Variants in TRPM3 observed in about 807,000 individuals in gnomAD.
The protein encoded by TRPM3 is transient receptor potential cation channel subfamily M member 3, also known as long transient receptor potential channel 3.
TRPM3 carries 77 observed loss-of-function variants against 181.2 expected under a neutral mutation model. The ratio of observed to expected loss-of-function variants is 0.42; its 90% CI spans 0.35 to 0.51. The LOEUF is 0.51. Among genes scored for constraint, TRPM3 ranks in the 20% least tolerant of loss-of-function variants. The pLI, the probability that TRPM3 is intolerant of heterozygous loss-of-function variation, is 0.01. For missense variants in TRPM3, 1,759 were observed against 2,196.7 expected, an observed-to-expected ratio of 0.80 and a Z score of 3.98; for synonymous variants, 745 against 796.4, an observed-to-expected ratio of 0.94 and a Z score of 1.09.
chr9:70,932,855 T>C (rs1663686894), intron 1 of TRPM3, among the ~76,000 whole-genome samples: 1 of 152,148 alleles, frequency 6.6e-6, no homozygotes. Flanking sequence ...GTGTAGAACA[T>C]CTTAGGCAAA....
In TRPM3 at chr9:71,290,536, T is replaced by A. The variant is rs180695065; in HGVS notation, c.183+156117A>T. On this transcript the variant is annotated intron_variant, in intron 1 of 24. Transcript: ENST00000357533. ...GTAACAGAGTTTAGAAATAGGAGAC[T>A]CTCTAAAGAGCTTTCTAAAGGATAT... Among the ~76,000 whole-genome samples the A allele has an allele frequency of 8.8e-3, 1,199 of 136,302 alleles. 20 individuals are homozygous for A. Among genetic ancestry groups the A allele is most frequent in the African/African-American group, 0.042 (1,121 of 26,896 alleles). 89.4% of individuals were successfully genotyped at this position (136,302 alleles called of 152,430 possible). A position where few individuals can be genotyped will look rare whatever the true frequency, so the allele number is the denominator to read the frequency against.
At chr9:71,047,042 C>G (rs1401015336) in intron 1 of TRPM3, among the ~76,000 whole-genome samples, 1 of 152,110 alleles carries the variant, frequency 6.6e-6, no homozygotes, top group Non-Finnish European at 1.5e-5. Context: ...GGGAAAAACA[C>G]AAGGTTTTCT....
At chr9:70,695,003 G>A (rs1342662655) in intron 8 of TRPM3, among the ~76,000 whole-genome samples, 1 of 152,172 alleles carries the variant, frequency 6.6e-6, no homozygotes, top group Non-Finnish European at 1.5e-5. Flanking sequence ...GTTATTCCTA[G>A]GCTGATAATA....
chr9:70,899,498 A>G (rs532568462), intron 1 of TRPM3, among the ~76,000 whole-genome samples: 4 of 152,116 alleles, frequency 2.6e-5, no homozygotes, highest in African/African-American at 7.2e-5. Flanking sequence ...AAGTCTCCAA[A>G]CGTTGTGTCA....
At chr9:70,962,921 A>C (rs2097151123) in intron 1 of TRPM3, among the ~76,000 whole-genome samples, 1 of 152,180 alleles carries the variant, frequency 6.6e-6, no homozygotes, top group Non-Finnish European at 1.5e-5. Flanking sequence ...CTTATGAAAG[A>C]TAAATTGCAG....
At position 70,811,161 on chromosome 9, in the gene TRPM3, T is replaced by C. The variant is rs116158640; in HGVS notation, c.973+16686A>G. 1.6e-3 allele frequency: 2,627 copies of C among 1,603,628 alleles called. 33 individuals carry two copies. In the African/African-American group the frequency reaches 0.032, roughly 19 times the overall value. The stretch of plus-strand genomic sequence containing the variant: ...GAAGAAATTCACATTTTCCATTAAT[T>C]ATACTTACCAACTGAGTCTAACTGG... On this transcript the variant is annotated intron_variant, in intron 6 of 25. Transcript: ENST00000677713.
chr9:71,164,779 G>C (rs949498881), intron 1 of TRPM3, among the ~76,000 whole-genome samples: 2 of 152,046 alleles, frequency 1.3e-5, no homozygotes, highest in Non-Finnish European at 2.9e-5. Context: ...CCTTACCTTT[G>C]TAAGCACTAC....
intron 1 of TRPM3, among the ~76,000 whole-genome samples, chr9:71,134,045 G>A (rs1416284098): frequency 6.6e-6 from 1 of 151,562 alleles, no homozygotes; most frequent in Non-Finnish European, 1.5e-5. Flanking sequence ...GTCTGTGTTT[G>A]CATCTCAATC....
chr9:71,104,691 GT>G (rs1409851782), intron 1 of TRPM3, among the ~76,000 whole-genome samples: 3 of 151,850 alleles, frequency 2.0e-5, no homozygotes, highest in African/African-American at 7.3e-5. Context: ...TACCCGTTAA[GT>G]TTTTTTTGCT....
chr9:70,856,468 T>G (rs899613713), intron 3 of TRPM3, among the ~76,000 whole-genome samples: 3 of 152,320 alleles, frequency 2.0e-5, no homozygotes, highest in East Asian at 1.9e-4. Context: ...CAATCAGTGA[T>G]GATTCCCAGA....
chr9:70,971,666 T>A (rs937587603), intron 1 of TRPM3, among the ~76,000 whole-genome samples: 1 of 152,172 alleles, frequency 6.6e-6, no homozygotes, highest in Admixed American at 6.5e-5. Flanking sequence ...TAAATTTGTA[T>A]TTTGGTTCTT....
intron 22 of TRPM3, among the ~76,000 whole-genome samples, chr9:70,576,488 TC>T (rs2053977199): frequency 6.7e-6 from 1 of 150,048 alleles, no homozygotes; most frequent in South Asian, 2.1e-4. Context: ...CTTCTCCTCC[TC>T]CTCCTCCTCC....
chr9:71,198,832 A>C (rs1450084652), intron 1 of TRPM3, among the ~76,000 whole-genome samples: 6 of 138,256 alleles, frequency 4.3e-5, no homozygotes, highest in Non-Finnish European at 9.5e-5. Flanking sequence ...GGACAATTTG[A>C]CTTCCTCTTT....
At chr9:71,230,814 C>T (rs1162929179) in intron 1 of TRPM3, among the ~76,000 whole-genome samples, 1 of 152,180 alleles carries the variant, frequency 6.6e-6, no homozygotes, top group Non-Finnish European at 1.5e-5. Context: ...GTCAAGCTTA[C>T]AAGACTTCAG....
intron 20 of TRPM3, 31 bp downstream of exon 20, chr9:70,603,311 C>T (rs770125947): frequency 1.2e-6 from 2 of 1,605,402 alleles, no homozygotes; most frequent in Admixed American, 1.7e-5. Context: ...CACTGTCTTT[C>T]TCTTACGTTT....
chr9:71,386,464 G>A (rs1290083982), intron 1 of TRPM3, among the ~76,000 whole-genome samples: 2 of 150,844 alleles, frequency 1.3e-5, no homozygotes, highest in Admixed American at 6.6e-5. Flanking sequence ...AAAAAAAAAA[G>A]ATAGCAAATA....
intron 3 of TRPM3, among the ~76,000 whole-genome samples, chr9:70,859,435 T>A (rs1468866799): frequency 6.6e-6 from 1 of 152,158 alleles, no homozygotes; most frequent in African/African-American, 2.4e-5. Flanking sequence ...TAGTTAACTA[T>A]TAAGGGCTGC....
In TRPM3 at chr9:71,180,108, G is replaced by A. The variant is rs537667416; in HGVS notation, c.183+266545C>T. Reference sequence around the variant, plus strand: ...TCACTCTCATTACCTAGGCAGGAATGGAATAGCACAATCTCAGCTCACTGC... The same window carrying A: ...TCACTCTCATTACCTAGGCAGGAATAGAATAGCACAATCTCAGCTCACTGC... On this transcript the variant is annotated intron_variant, in intron 1 of 24. Transcript: ENST00000357533. 5.0e-5 allele frequency among the ~76,000 whole-genome samples: 7 copies of A among 139,054 alleles called. No homozygotes were observed. The South Asian group carries it at 1.6e-3, about 33-fold the overall frequency. The allele number at this position is 139,054 out of a possible 152,430, so 91.2% of individuals were successfully genotyped here.
chr9:70,557,431 G>C (rs2047981187), intron 22 of TRPM3, among the ~76,000 whole-genome samples: 1 of 152,212 alleles, frequency 6.6e-6, no homozygotes, highest in Non-Finnish European at 1.5e-5. Context: ...AGCAGTTAAT[G>C]CAAAATGTTG....
Sources: allele counts gnomAD v4.1 joint callset (sites outside exome capture counted in the v4.1 genomes callset), GRCh38; gene constraint gnomAD v4.1.1; transcripts MANE v1.5; gene names NCBI Gene and HGNC (gene_info 2026-07-23, HGNC 2026-07-21).